The following ATXN2 variants were observed in gnomAD, a reference collection of about 807,000 sequenced individuals.
The protein encoded by ATXN2 is ataxin-2.
A neutral mutation model predicts 138.6 loss-of-function variants in ATXN2; 37 were observed. The ratio of observed to expected loss-of-function variants is 0.27; its 90% confidence interval spans 0.21 to 0.35. The LOEUF is 0.35. Ranked by LOEUF, ATXN2 falls within the 10% of genes least tolerant of loss-of-function variation. ATXN2 has a pLI of 1.00. For synonymous variants in ATXN2, 549 were observed against 543.7 expected, an observed-to-expected ratio of 1.01 and a Z score of -0.13; for missense variants, 1,216 against 1,480.3, an observed-to-expected ratio of 0.82 and a Z score of 2.93.
intron 18 of ATXN2, among the ~76,000 whole-genome samples, chr12:111,475,436 T>C (rs1254299510): frequency 6.7e-6 from 1 of 150,190 alleles, no homozygotes; most frequent in Admixed American, 6.7e-5. Context: ...CAAGCCTGAC[T>C]TGGACCCTAA....
At chr12:111,477,514 C>T (rs1039535405) in intron 18 of ATXN2, among the ~76,000 whole-genome samples, 1 of 152,020 alleles carries the variant, frequency 6.6e-6, no homozygotes, top group African/African-American at 2.4e-5. Flanking sequence ...TAAAAACATT[C>T]ATAACCTAGG....
chr12:111,569,621 T>C (rs1444945530), intron 1 of ATXN2, among the ~76,000 whole-genome samples: 1 of 151,932 alleles, frequency 6.6e-6, no homozygotes, highest in African/African-American at 2.4e-5. Flanking sequence ...GGAGCTGAGG[T>C]GGGAGGATCA....
intron 1 of ATXN2, among the ~76,000 whole-genome samples, chr12:111,588,449 C>T (rs1884454915): frequency 6.6e-6 from 1 of 151,890 alleles, no homozygotes; most frequent in South Asian, 2.1e-4. Context: ...ATGGTGAAAC[C>T]CCATCTCTAC....
In ATXN2 at chr12:111,599,084, G is replaced by A. The variant is rs1256589402; in HGVS notation, c.-50C>T. ...GCACGCCGGGCGGGGACAGCCGGGAGCCGGGCGCGCCAAGGAGACGCCGGA... is the reference window on the plus strand; with the variant it reads ...GCACGCCGGGCGGGGACAGCCGGGAACCGGGCGCGCCAAGGAGACGCCGGA... On this transcript the variant is annotated 5_prime_UTR_variant, in exon 1 of 25. Coordinates refer to ENST00000673436, the MANE Select transcript of ATXN2 (RefSeq NM_001372574.1). 2.2e-6 allele frequency: 3 copies of A among 1,377,566 alleles called. No individual in the cohort carries two copies. Among genetic ancestry groups the A allele is most frequent in the Middle Eastern group, 5.2e-4 (2 of 3,812 alleles). The allele number at this position is 1,377,566 out of a possible 1,614,324, so 85.3% of individuals were successfully genotyped here.
intron 18 of ATXN2, 177 bp downstream of exon 18, chr12:111,485,088 C>T (rs1877542150): frequency 3.6e-6 from 2 of 555,080 alleles, no homozygotes; most frequent in Non-Finnish European, 6.4e-6. Flanking sequence ...TTTTTTCTCC[C>T]CTGTTTTTCT....
At chr12:111,576,817 G>A (rs1566075595) in intron 1 of ATXN2, among the ~76,000 whole-genome samples, 2 of 151,564 alleles carry the variant, frequency 1.3e-5, no homozygotes, top group Non-Finnish European at 2.9e-5. Context: ...AATTAGCCAG[G>A]CATGGTGGCG....
At chr12:111,572,190 A>T (rs1449485388) in intron 1 of ATXN2, among the ~76,000 whole-genome samples, 1 of 152,032 alleles carries the variant, frequency 6.6e-6, no homozygotes, top group Non-Finnish European at 1.5e-5. Flanking sequence ...ACCTGAGGTC[A>T]GGAGTTCGAG....
rs201729355 is a variant in ATXN2, at chr12:111,470,763, T to G, written c.2525-21A>C. On this transcript the variant is annotated intron_variant, in intron 18 of 24. Coordinates refer to ENST00000673436, the MANE Select transcript of ATXN2 (RefSeq NM_001372574.1). ...TGGTACTGCAGAAAAAAAAGCAGAC[T>G]GCCTATTAAACAGTATCTCCACAGC... 651 of 1,612,996 alleles carry G rather than the reference T, an allele frequency of 4.0e-4. 2 individuals are homozygous for G. Among genetic ancestry groups the G allele is most frequent in the Non-Finnish European group, 5.0e-4 (595 of 1,179,274 alleles).
intron 5 of ATXN2, among the ~76,000 whole-genome samples, chr12:111,534,032 T>G (rs1165233329): frequency 6.6e-6 from 1 of 151,962 alleles, no homozygotes; most frequent in African/African-American, 2.4e-5. Context: ...TATTCCCTGG[T>G]TTAGGAGTAT....
chr12:111,481,178 T>G (rs1877206276), intron 18 of ATXN2, among the ~76,000 whole-genome samples: 1 of 151,934 alleles, frequency 6.6e-6, no homozygotes, highest in Non-Finnish European at 1.5e-5. Flanking sequence ...AGCGCGGTGG[T>G]GCACGCCTAT....
intron 1 of ATXN2, among the ~76,000 whole-genome samples, chr12:111,576,469 G>C (rs1883654409): frequency 1.3e-5 from 2 of 151,800 alleles, no homozygotes; most frequent in Admixed American, 1.3e-4. Flanking sequence ...TAAACCAACA[G>C]TCACATATTC....
chr12:111,591,269 A>C (rs1884651316), intron 1 of ATXN2, among the ~76,000 whole-genome samples: 1 of 152,168 alleles, frequency 6.6e-6, no homozygotes, highest in Admixed American at 6.6e-5. Context: ...TAGTGTTAAA[A>C]AGGTTGAGGA....
Position 111,583,775 on chromosome 12 carries a change from A to AAAC in ATXN2, c.251+15008_251+15009insGTT, listed in dbSNP as rs1237394358. On this transcript the variant is annotated intron_variant, in intron 1 of 24. Transcript: ENST00000673436. ...CAGCAAGACTCCGACTCAAAAAAAA[A>AAAC]AAAAAAAAAAAAAAACAGTGAACCA... Among the ~76,000 whole-genome samples, 566 of 150,780 alleles carry AAAC rather than the reference A, an allele frequency of 3.8e-3. 5 individuals carry two copies. Among genetic ancestry groups the AAAC allele is most frequent in the Non-Finnish European group, 7.0e-3 (475 of 67,530 alleles).
At chr12:111,479,162 A>G (rs1476621208) in intron 18 of ATXN2, 9 of 389,196 alleles carry the variant, frequency 2.3e-5, no homozygotes, top group Middle Eastern at 6.6e-4. Context: ...TTCATTCATA[A>G]TAGCCAAAAG....
At chr12:111,580,708 A>G in intron 1 of ATXN2, among the ~76,000 whole-genome samples, 2 of 126,642 alleles carry the variant, frequency 1.6e-5, no homozygotes, top group Non-Finnish European at 3.3e-5. Context: ...AGGGAGGGAG[A>G]GAGGAAGGGT....
intron 8 of ATXN2, 88 bp from the exon 9 acceptor site, chr12:111,518,515 ATGCTTGTT>A: frequency 7.4e-7 from 1 of 1,353,440 alleles, no homozygotes; most frequent in Admixed American, 2.5e-5. Context: ...ACAGAAGGGA[ATGCTTGTT>A]ACAAAAAGGT....
At chr12:111,457,387 C>T (rs1274505132) in intron 21 of ATXN2, 28 bp from the exon 22 acceptor site, 4 of 1,587,458 alleles carry the variant, frequency 2.5e-6, no homozygotes, top group South Asian at 1.1e-5. Flanking sequence ...GGAGCATGTA[C>T]ACAACCGATG....
At chr12:111,458,113 G>T (rs1166862454) in intron 21 of ATXN2, 1 of 151,938 alleles carries the variant, frequency 6.6e-6, no homozygotes, top group African/African-American at 2.4e-5. Context: ...CCAAACCTTG[G>T]TACAAAAACC....
At chr12:111,553,445 A>T (rs61944388) in intron 3 of ATXN2, among the ~76,000 whole-genome samples, 1 of 151,624 alleles carries the variant, frequency 6.6e-6, no homozygotes, top group Non-Finnish European at 1.5e-5. Flanking sequence ...AACTATCCCT[A>T]AATTACTTGT....
Sources: gnomAD v4.1 joint callset for allele counts (sites outside exome capture counted in the v4.1 genomes callset) on GRCh38, gnomAD v4.1.1 for gene constraint, MANE v1.5 for transcripts, NCBI Gene and HGNC (gene_info 2026-07-23, HGNC 2026-07-21) for gene names.